NCKAP5: variants seen among roughly 807,000 people sequenced by gnomAD.
NCKAP5 encodes NCK associated protein 5.
A neutral mutation model predicts 167.0 loss-of-function variants in NCKAP5; 92 were observed. That is an observed-to-expected ratio of 0.55 (90% CI 0.47 to 0.66). The LOEUF (loss-of-function observed/expected upper bound fraction) is 0.66. Ranked by LOEUF, NCKAP5 falls within the 30% of genes least tolerant of loss-of-function variation. The probability of loss-of-function intolerance (pLI) is 0.00; values close to 1 mark genes in which losing one functional copy is unlikely to be tolerated. For missense variants in NCKAP5, 2,378 were observed against 2,315.0 expected (o/e 1.03, Z -0.56); for synonymous variants, 891 against 877.4 (o/e 1.02, Z -0.27).
chr2:133,074,867 C>T (rs1021790812), intron 6 of NCKAP5, among the ~76,000 whole-genome samples: 1 of 152,046 alleles, frequency 6.6e-6, no homozygotes, highest in East Asian at 1.9e-4. Context: ...CTAACTAACA[C>T]CCATGTCACT....
intron 8 of NCKAP5, among the ~76,000 whole-genome samples, chr2:132,891,588 G>T (rs1692715820): frequency 1.3e-5 from 2 of 152,230 alleles, no homozygotes; most frequent in Admixed American, 1.3e-4. Context: ...TAAGGGCATA[G>T]ATCAGTGTCT....
intron 8 of NCKAP5, among the ~76,000 whole-genome samples, chr2:132,889,848 T>G (rs773609558): frequency 6.6e-5 from 10 of 151,644 alleles, no homozygotes; most frequent in Non-Finnish European, 1.3e-4. Context: ...AAAAAATAAA[T>G]AAATAAAATA....
the NCKAP5 span, among the ~76,000 whole-genome samples, chr2:133,628,788 C>T: frequency 8.5e-5 from 13 of 152,200 alleles, no homozygotes; most frequent in Admixed American, 2.6e-4. Context: ...CAAAAACAGA[C>T]GCATAGACCA....
At chr2:133,553,901 A>G (rs1260901142) in intron 2 of NCKAP5, among the ~76,000 whole-genome samples, 1 of 152,232 alleles carries the variant, frequency 6.6e-6, no homozygotes, top group Non-Finnish European at 1.5e-5. Flanking sequence ...CACAGTGTCT[A>G]TGAACCAGGA....
rs553412334 is a variant in NCKAP5 at position 132,811,003 on chromosome 2, G to A, written c.808-14274C>T. Among the ~76,000 whole-genome samples the A allele has an allele frequency of 6.6e-5, 10 of 152,238 alleles. 1 individual carries two copies. The East Asian group carries it at 1.9e-3, about 29-fold the overall frequency. On this transcript the variant is annotated intron_variant, in intron 11 of 19. Coordinates refer to ENST00000409261, the MANE Select transcript of NCKAP5 (RefSeq NM_207363.3). ...ACTCTCCCCCTTTTCCTATGGATGTGGCTTCCTGTAAGCCAAAAGTGATTG... is the reference window on the plus strand; with the variant it reads ...ACTCTCCCCCTTTTCCTATGGATGTAGCTTCCTGTAAGCCAAAAGTGATTG...
intron 8 of NCKAP5, among the ~76,000 whole-genome samples, chr2:132,908,682 G>A (rs1013512683): frequency 6.6e-6 from 1 of 152,128 alleles, no homozygotes; most frequent in Non-Finnish European, 1.5e-5. Flanking sequence ...ATAGTCCACT[G>A]TTGCAGGATA....
intron 4 of NCKAP5, among the ~76,000 whole-genome samples, chr2:133,243,574 G>A (rs780608257): frequency 7.9e-5 from 12 of 152,198 alleles, no homozygotes; most frequent in South Asian, 4.1e-4. Context: ...TTACCCTCAC[G>A]GATGCCATGG....
At chr2:132,997,181 C>T (rs1311367564) in intron 6 of NCKAP5, among the ~76,000 whole-genome samples, 1 of 152,182 alleles carries the variant, frequency 6.6e-6, no homozygotes, top group African/African-American at 2.4e-5. Context: ...CACGTAACTA[C>T]TCAGCAGCAG....
In NCKAP5 at chr2:132,963,791, T is replaced by C. The variant is rs974416286; in HGVS notation, c.508A>G (p.Ser170Gly). 2.5e-6 allele frequency: 4 copies of C among 1,613,926 alleles called. No homozygotes were observed. Among genetic ancestry groups the C allele is most frequent in the African/African-American group, 2.7e-5 (2 of 75,042 alleles). Reference protein sequence around the residue: ...LHMVVDEDSRSESSSTDEGKE... With the variant: ...LHMVVDEDSRGESSSTDEGKE... The stretch of plus-strand genomic sequence containing the variant: ...CCCTCATCTGTACTGCTGCTTTCAC[T>C]CCTCGAATCCTCATCAACCACCATG... The change falls in exon 8 of 20, where the codon AGT becomes GGT. Residue 170 changes from serine to glycine, a missense_variant. Physicochemically the swap from Ser to Gly is moderately conservative, Grantham distance 56. Transcript: ENST00000409261.
At chr2:132,679,176 A>G (rs1357699445) in intron 19 of NCKAP5, among the ~76,000 whole-genome samples, 1 of 152,192 alleles carries the variant, frequency 6.6e-6, no homozygotes, top group Non-Finnish European at 1.5e-5. Flanking sequence ...CACTGATCCC[A>G]AGATATAGAC....
chr2:132,751,106 G>A (rs1680071999), intron 16 of NCKAP5, among the ~76,000 whole-genome samples: 1 of 152,252 alleles, frequency 6.6e-6, no homozygotes, highest in African/African-American at 2.4e-5. Context: ...TTGATCCCCA[G>A]TGAAATCTGT....
chr2:133,226,376 T>C (rs1032740967), intron 4 of NCKAP5, among the ~76,000 whole-genome samples: 2 of 152,138 alleles, frequency 1.3e-5, no homozygotes, highest in Non-Finnish European at 2.9e-5. Flanking sequence ...TTCCTGCAGT[T>C]ACAGAGCATT....
intron 5 of NCKAP5, among the ~76,000 whole-genome samples, chr2:133,178,508 A>T (rs1574284697): frequency 4.5e-5 from 1 of 22,342 alleles, no homozygotes; most frequent in African/African-American, 1.0e-4. Flanking sequence ...CTGTCTCAAA[A>T]AAAAAAAAAA....
chr2:132,728,935 T>C lies in NCKAP5; in HGVS notation c.5461A>G (p.Lys1821Glu), dbSNP rs1202825899. ...GGCCTTGGCTCTGCTTCATTCTGCTTTTGGGAACTGACTTTTCCTAAATGA... is the reference window on the plus strand; with the variant it reads ...GGCCTTGGCTCTGCTTCATTCTGCTCTTGGGAACTGACTTTTCCTAAATGA... ...PASSGKVSSQ[K>E]QNEAEPRPQT... Residue 1821 changes from lysine (K) to glutamate (E), a missense_variant, in exon 18 of 20, where the codon AAG becomes GAG. Physicochemically the swap from Lys to Glu is moderately conservative, Grantham distance 56 (BLOSUM62 1). Transcript: ENST00000409261. The C allele has an allele frequency of 1.2e-6, 2 of 1,613,898 alleles. No homozygotes were observed. Among genetic ancestry groups the C allele is most frequent in the Non-Finnish European group, 1.7e-6 (2 of 1,179,882 alleles).
At chr2:133,177,399 G>T (rs1018810533) in intron 5 of NCKAP5, among the ~76,000 whole-genome samples, 5 of 151,996 alleles carry the variant, frequency 3.3e-5, no homozygotes, top group Non-Finnish European at 7.4e-5. Flanking sequence ...AGATGAATGT[G>T]GGGGTGTGGG....
At chr2:132,904,514 A>G (rs1207217367) in intron 8 of NCKAP5, among the ~76,000 whole-genome samples, 1 of 152,098 alleles carries the variant, frequency 6.6e-6, no homozygotes, top group Non-Finnish European at 1.5e-5. Context: ...ATTTTGAAAG[A>G]TAGAGCCCTG....
chr2:133,360,841 AG>A (rs1295490402), intron 3 of NCKAP5, among the ~76,000 whole-genome samples: 1 of 151,966 alleles, frequency 6.6e-6, no homozygotes, highest in Non-Finnish European at 1.5e-5. Context: ...CTGCCTTAAA[AG>A]GCTGGTGAGT....
At chr2:132,928,462 T>G (rs924171090) in intron 8 of NCKAP5, among the ~76,000 whole-genome samples, 3 of 152,188 alleles carry the variant, frequency 2.0e-5, no homozygotes, top group Non-Finnish European at 2.9e-5. Context: ...ATCTCTTCTT[T>G]GAGATAAGCA....
At chr2:133,134,103 T>C (rs2082702030) in intron 5 of NCKAP5, among the ~76,000 whole-genome samples, 1 of 152,212 alleles carries the variant, frequency 6.6e-6, no homozygotes, top group Non-Finnish European at 1.5e-5. Context: ...CCAGTTGAAC[T>C]GCATCGAAAC....
Sources: gnomAD v4.1 joint callset for allele counts (sites outside exome capture counted in the v4.1 genomes callset) on GRCh38, gnomAD v4.1.1 for gene constraint, MANE v1.5 for transcripts, NCBI Gene and HGNC (gene_info 2026-07-23, HGNC 2026-07-21) for gene names.